The following AFF1 variants were observed in gnomAD, a reference collection of about 807,000 sequenced individuals.
AFF1 encodes the protein ALF transcription elongation factor 1, also known as AF4/FMR2 family member 1.
A neutral mutation model predicts 121.7 loss-of-function variants in AFF1; 48 were observed. The ratio of observed to expected loss-of-function variants is 0.39; its 90% CI spans 0.31 to 0.50. The LOEUF is 0.50. Ranked by LOEUF, AFF1 falls within the 20% of genes least tolerant of loss-of-function variation. AFF1 has a pLI of 0.76. For synonymous variants in AFF1, 613 were observed against 563.0 expected (o/e 1.09, Z -1.26); for missense variants, 1,523 against 1,511.7 (o/e 1.01, Z -0.12).
At chr4:87,133,964 A>G (rs1729079536) in intron 19 of AFF1, among the ~76,000 whole-genome samples, 1 of 152,240 alleles carries the variant, frequency 6.6e-6, no homozygotes, top group Admixed American at 6.5e-5. Context: ...AAGTGCTAGT[A>G]ATGCAAAAAT....
At position 87,133,474 on chromosome 4, in the gene AFF1, G is replaced by A. The variant is rs138458128; in HGVS notation, c.3312-997G>A. ...AAAGTCCTGATTAAGAAGCAACTTC[G>A]TATTACCTCTGAAGATTTTCATGGC... On this transcript the variant is annotated intron_variant, in intron 19 of 20. Transcript: ENST00000395146. 2.3e-3 allele frequency among the ~76,000 whole-genome samples: 354 copies of A among 152,286 alleles called. 1 individual carries two copies. The highest frequency in any genetic ancestry group is 7.5e-3 in the African/African-American group (313 of 41,556).
chr4:87,108,959 A>G (rs1290129487), intron 11 of AFF1, among the ~76,000 whole-genome samples: 1 of 152,254 alleles, frequency 6.6e-6, no homozygotes, highest in Non-Finnish European at 1.5e-5. Flanking sequence ...CTTAGGCACT[A>G]AATAAATCTA....
chr4:87,053,551 G>A (rs576135540), intron 4 of AFF1, among the ~76,000 whole-genome samples: 4 of 152,276 alleles, frequency 2.6e-5, no homozygotes, highest in South Asian at 2.1e-4. Context: ...ACCTTCAGGC[G>A]GTTTACTTCT....
rs112649967 is a variant in AFF1 at position 87,036,773 on chromosome 4, G to GT, written c.39-9391dup. The GT allele has an allele frequency of 8.7e-3, 4,475 of 512,728 alleles. 150 individuals carry two copies. Among genetic ancestry groups the GT allele is most frequent in the African/African-American group, 0.075 (3,869 of 51,646 alleles). 31.8% of individuals were successfully genotyped at this position (512,728 alleles called of 1,614,324 possible). ...AAACATCAGCTACTGGTGTTTGAAT[G>GT]TTAGAACATATTCTCTAATATGGCA... On this transcript the variant is annotated intron_variant, in intron 2 of 20. Coordinates refer to ENST00000395146, the MANE Select transcript of AFF1 (RefSeq NM_001166693.3).
At chr4:86,948,454 CTCACAGGCTAATGT>C in intron 1 of AFF1, 30 bp from the exon 2 acceptor site, 1 of 1,341,042 alleles carries the variant, frequency 7.5e-7, no homozygotes, top group South Asian at 1.3e-5. Flanking sequence ...CCTGAATTTA[CTCACAGGCTAATGT>C]TCACAGGCTA....
intron 2 of AFF1, among the ~76,000 whole-genome samples, chr4:87,011,788 TCA>T (rs894570024): frequency 1.3e-5 from 2 of 152,196 alleles, no homozygotes; most frequent in African/African-American, 2.4e-5. Context: ...GCTTCCTGAC[TCA>T]CAGTCTAGAG....
intron 2 of AFF1, among the ~76,000 whole-genome samples, chr4:86,985,211 ATAT>A (rs1560518396): frequency 0.055 from 7,059 of 128,700 alleles, 290 homozygotes; most frequent in Middle Eastern, 0.092. Context: ...ATATATATAT[ATAT>A]AAAATTATAT....
At chr4:87,094,590 A>G (rs952862453) in intron 7 of AFF1, among the ~76,000 whole-genome samples, 2 of 152,186 alleles carry the variant, frequency 1.3e-5, no homozygotes, top group African/African-American at 4.8e-5. Context: ...GGGCGCTGGG[A>G]GCATAGCCCT....
intron 2 of AFF1, among the ~76,000 whole-genome samples, chr4:86,956,754 A>C (rs1721769259): frequency 6.6e-6 from 1 of 152,228 alleles, no homozygotes. Context: ...TCAGTTTTTC[A>C]GTCCTTTTTA....
At chr4:86,953,927 G>A (rs1037282023) in intron 2 of AFF1, among the ~76,000 whole-genome samples, 2 of 151,936 alleles carry the variant, frequency 1.3e-5, no homozygotes, top group South Asian at 4.2e-4. Context: ...GCCAGGCTGG[G>A]CTCAAACTCC....
Position 86,960,465 on chromosome 4 carries a change from G to A in AFF1, c.38+11894G>A, listed in dbSNP as rs935488299. Among the ~76,000 whole-genome samples the A allele has an allele frequency of 2.6e-5, 4 of 152,288 alleles. No individual in the cohort carries two copies. The South Asian group carries it at 8.3e-4, about 32-fold the overall frequency. On this transcript the variant is annotated intron_variant, in intron 2 of 20. Coordinates refer to ENST00000395146, the MANE Select transcript of AFF1 (RefSeq NM_001166693.3). ...GAAAACTCCTTTATTCCTGTGCAGT[G>A]TAGAAAAAGGTCCGTTTTTAAGTAA...
At chr4:86,967,134 C>A (rs1012250198) in intron 2 of AFF1, among the ~76,000 whole-genome samples, 6 of 152,142 alleles carry the variant, frequency 3.9e-5, no homozygotes, top group Non-Finnish European at 7.4e-5. Flanking sequence ...CAGGGTTTTA[C>A]AGGAACATGT....
At chr4:87,019,392 A>G (rs1249671593) in intron 2 of AFF1, among the ~76,000 whole-genome samples, 1 of 152,110 alleles carries the variant, frequency 6.6e-6, no homozygotes, top group Non-Finnish European at 1.5e-5. Context: ...ACTCTAATCT[A>G]ATTGTAAGTC....
chr4:87,114,675 A>C lies in AFF1; in HGVS notation c.1842A>C (p.Lys614Asn), dbSNP rs779981897. 4.5e-5 allele frequency: 72 copies of C among 1,613,174 alleles called. No individual in the cohort carries two copies. The Middle Eastern group carries it at 6.6e-4, about 15-fold the overall frequency. ...CCGTTGGAACCAAACAACCCAAAAA[A>C]CCTGTCAAGGCCTCTGCCCGGGCAG... is the stretch of plus-strand genomic sequence containing the variant. ...RQTVGTKQPK[K>N]PVKASARAGS... Residue 614 changes from lysine (K) to asparagine (N), a missense_variant, in exon 12 of 21, where the codon AAA becomes AAC. Lys to Asn is a moderately conservative substitution (Grantham distance 94, BLOSUM62 0). Transcript: ENST00000395146.
At chr4:87,061,794 A>G (rs1181555395) in intron 4 of AFF1, among the ~76,000 whole-genome samples, 2 of 152,214 alleles carry the variant, frequency 1.3e-5, no homozygotes, top group African/African-American at 2.4e-5. Flanking sequence ...ATGAGAATCC[A>G]GACATGCAAA....
chr4:86,953,521 TTTAG>T (rs1270382676), intron 2 of AFF1, among the ~76,000 whole-genome samples: 1 of 152,162 alleles, frequency 6.6e-6, no homozygotes, highest in Non-Finnish European at 1.5e-5. Flanking sequence ...AAGACAATGT[TTTAG>T]TTCTTACAAA....
rs1730815466 is a variant in AFF1 at position 87,047,379 on chromosome 4, C to G, written c.844C>G (p.Pro282Ala). The change falls in exon 4 of 21, where the codon CCA becomes GCA. Residue 282 changes from proline to alanine, a missense_variant. By Grantham distance (27) the Pro-to-Ala change is conservative (BLOSUM62 -1). Around this residue, in one of 5 missense-constraint regions of AFF1, gnomAD observed 369 missense variants for 367.2 expected, o/e 1.00. Coordinates refer to ENST00000395146, the MANE Select transcript of AFF1 (RefSeq NM_001166693.3). Reference sequence around the variant, plus strand: ...TGCCCAGCCGCCTTCTCAGACATTTCCACCTCCCTCCCTCCCCTCAAAAAG... The same window carrying G: ...TGCCCAGCCGCCTTCTCAGACATTTGCACCTCCCTCCCTCCCCTCAAAAAG... ...APAQPPSQTFPPPSLPSKSVA... is the reference protein window; with the variant it reads ...APAQPPSQTFAPPSLPSKSVA... The G allele has an allele frequency of 6.2e-7, 1 of 1,613,574 alleles. No individual in the cohort carries two copies. The highest frequency in any genetic ancestry group is 1.3e-5 in the African/African-American group (1 of 75,000).
At chr4:86,972,439 T>C (rs1286255801) in intron 2 of AFF1, among the ~76,000 whole-genome samples, 2 of 152,130 alleles carry the variant, frequency 1.3e-5, no homozygotes, top group African/African-American at 4.8e-5. Flanking sequence ...CATGGTATAA[T>C]ACAGATTTCA....
At chr4:86,936,539 A>T (rs1347885526) in intron 1 of AFF1, 1 of 152,146 alleles carries the variant, frequency 6.6e-6, no homozygotes, top group Non-Finnish European at 1.5e-5. Flanking sequence ...CTGGGTGGGG[A>T]TAAAAGTCAC....
Sources: allele counts gnomAD v4.1 joint callset (sites outside exome capture counted in the v4.1 genomes callset), GRCh38; gene constraint gnomAD v4.1.1; regional missense constraint gnomAD v4.1.1; transcripts MANE v1.5; gene names NCBI Gene and HGNC (gene_info 2026-07-23, HGNC 2026-07-21).